The following EFR3A variants were observed in gnomAD, a reference collection of about 807,000 sequenced individuals.
The protein encoded by EFR3A is protein EFR3 homolog A.
A neutral mutation model predicts 104.4 loss-of-function variants in EFR3A; 76 were observed. The ratio of observed to expected loss-of-function variants is 0.73; its 90% confidence interval spans 0.60 to 0.88. The LOEUF (loss-of-function observed/expected upper bound fraction) is 0.88, where lower values mean the gene tolerates loss of function less well. EFR3A is among the 40% of genes least tolerant of loss of function. EFR3A has a pLI of 0.00. For synonymous variants in EFR3A, 330 were observed against 330.0 expected (o/e 1.00, Z 0.00); for missense variants, 985 against 1,012.5 (o/e 0.97, Z 0.37).
At chr8:131,951,665 C>T (rs908617103) in intron 5 of EFR3A, among the ~76,000 whole-genome samples, 13 of 152,086 alleles carry the variant, frequency 8.5e-5, no homozygotes, top group African/African-American at 3.1e-4. Context: ...ACCTGTTCTT[C>T]ATTACTGCTT....
intron 22 of EFR3A, among the ~76,000 whole-genome samples, chr8:132,004,174 A>G (rs1821921822): frequency 6.6e-6 from 1 of 152,152 alleles, no homozygotes; most frequent in Non-Finnish European, 1.5e-5. Context: ...TACTCTCTTA[A>G]GTTGAGAATC....
chr8:132,001,686 C>A, intron 19 of EFR3A, 73 bp from the exon 20 acceptor site: 1 of 1,330,738 alleles, frequency 7.5e-7, no homozygotes, highest in Non-Finnish European at 1.1e-6. Context: ...TCTTAGATGA[C>A]TTGTAACTAG....
chr8:131,986,717 G>A (rs571932801), intron 17 of EFR3A, among the ~76,000 whole-genome samples: 1 of 151,038 alleles, frequency 6.6e-6, no homozygotes, highest in Non-Finnish European at 1.5e-5. Context: ...CCCAGGAGGT[G>A]GAGGTTGCAG....
intron 18 of EFR3A, among the ~76,000 whole-genome samples, chr8:131,992,059 C>G (rs990931879): frequency 6.6e-6 from 1 of 152,134 alleles, no homozygotes; most frequent in Non-Finnish European, 1.5e-5. Flanking sequence ...CAACATGACT[C>G]TCTTTCTGCA....
At chr8:131,997,385 G>A (rs1279515481) in intron 19 of EFR3A, among the ~76,000 whole-genome samples, 1 of 151,984 alleles carries the variant, frequency 6.6e-6, no homozygotes, top group Non-Finnish European at 1.5e-5. Context: ...AATTCCTATT[G>A]ATTTATTTGT....
intron 5 of EFR3A, among the ~76,000 whole-genome samples, chr8:131,952,059 G>C (rs576499445): frequency 7.6e-4 from 116 of 152,012 alleles, no homozygotes; most frequent in African/African-American, 2.6e-3. Flanking sequence ...TGAAGAACTG[G>C]CTCCCACTTG....
intron 13 of EFR3A, 117 bp from the exon 14 acceptor site, chr8:131,979,229 A>T: frequency 1.0e-6 from 1 of 958,620 alleles, no homozygotes; most frequent in Non-Finnish European, 1.5e-6. Flanking sequence ...GCAATTCAGT[A>T]GTATCATTAC....
At chr8:131,962,291 C>T (rs2130659160) in intron 8 of EFR3A, among the ~76,000 whole-genome samples, 1 of 152,278 alleles carries the variant, frequency 6.6e-6, no homozygotes. Context: ...CAAGACCCAT[C>T]AGTGTGCTGT....
At position 131,978,857 on chromosome 8, in the gene EFR3A, G is replaced by A; in HGVS notation, c.1337G>A (p.Gly446Glu). Residue 446 changes from glycine (G) to glutamate (E), a missense_variant, in exon 13 of 23, where the codon GGA becomes GAA. Gly to Glu is a moderately conservative substitution (Grantham distance 98, BLOSUM62 -2). Coordinates refer to ENST00000254624, the MANE Select transcript of EFR3A (RefSeq NM_015137.6). ...LLRSLLMVTSGYKAKTIVTAL... is the reference protein window; with the variant it reads ...LLRSLLMVTSEYKAKTIVTAL... ...CTTCTCGATAATCAGGTGACCTCTG[G>A]ATATAAAGCGAAGACGATTGTTACT... 1 of 1,596,126 alleles carries A rather than the reference G, an allele frequency of 6.3e-7. No individual in the cohort carries two copies. Among genetic ancestry groups the A allele is most frequent in the Non-Finnish European group, 8.5e-7 (1 of 1,172,356 alleles).
chr8:132,010,449 T>TATATATATATATA (rs1326843233), intron 22 of EFR3A, among the ~76,000 whole-genome samples: 3 of 128,398 alleles, frequency 2.3e-5, no homozygotes, highest in South Asian at 2.4e-4. Flanking sequence ...TATATATATA[T>TATATATATATATA]AATGAAATAC....
chr8:131,985,739 A>G (rs1028456845), intron 16 of EFR3A, among the ~76,000 whole-genome samples: 15 of 152,210 alleles, frequency 9.9e-5, no homozygotes, highest in African/African-American at 3.6e-4. Flanking sequence ...CTAGAGAAGT[A>G]AATACTACAA....
chr8:131,926,255 C>T (rs1318055185), intron 1 of EFR3A, among the ~76,000 whole-genome samples: 1 of 152,090 alleles, frequency 6.6e-6, no homozygotes, highest in East Asian at 1.9e-4. Context: ...ATTATGGTGA[C>T]TTTAAAAAAC....
chr8:131,930,045 C>T lies in EFR3A; in HGVS notation c.11-10454C>T, dbSNP rs553623919. ...GGAAGGCACATTGATTCAAACTGCC[C>T]TATAACTCCATGGAGATCATGTAAA... is the stretch of plus-strand genomic sequence containing the variant. On this transcript the variant is annotated intron_variant, in intron 1 of 22. Transcript: ENST00000254624. 4.6e-5 allele frequency among the ~76,000 whole-genome samples: 7 copies of T among 152,258 alleles called. No homozygotes were observed. In the South Asian group the frequency reaches 1.5e-3, roughly 32 times the overall value.
intron 18 of EFR3A, among the ~76,000 whole-genome samples, chr8:131,992,571 TAGTA>T (rs1434438716): frequency 6.6e-6 from 1 of 152,082 alleles, no homozygotes; most frequent in African/African-American, 2.4e-5. Context: ...TAATAACTGG[TAGTA>T]AGTTTTTGTA....
intron 1 of EFR3A, among the ~76,000 whole-genome samples, chr8:131,905,904 C>T (rs1213001656): frequency 1.3e-5 from 2 of 152,194 alleles, no homozygotes; most frequent in Non-Finnish European, 2.9e-5. Context: ...TCTAGCTTCA[C>T]AGAGTGGATA....
At chr8:131,978,184 T>C (rs1269504787) in intron 12 of EFR3A, among the ~76,000 whole-genome samples, 2 of 152,172 alleles carry the variant, frequency 1.3e-5, no homozygotes, top group Non-Finnish European at 2.9e-5. Flanking sequence ...AGCCTTTATT[T>C]ATATTAAACA....
At chr8:131,969,478 G>A (rs992597422) in intron 9 of EFR3A, among the ~76,000 whole-genome samples, 3 of 150,338 alleles carry the variant, frequency 2.0e-5, no homozygotes, top group Non-Finnish European at 4.4e-5. Flanking sequence ...CAGTGTAAAT[G>A]CTATGTGATT....
At chr8:131,975,151 G>C (rs1187331255) in intron 10 of EFR3A, among the ~76,000 whole-genome samples, 1 of 152,122 alleles carries the variant, frequency 6.6e-6, no homozygotes, top group East Asian at 1.9e-4. Context: ...AAAATGACAA[G>C]TAAGTTATTT....
At chr8:131,983,237 C>A (rs1318663558) in intron 14 of EFR3A, among the ~76,000 whole-genome samples, 1 of 152,132 alleles carries the variant, frequency 6.6e-6, no homozygotes, top group East Asian at 1.9e-4. Flanking sequence ...ACCCTGCCTG[C>A]CTATTATAAC....
Sources: allele counts gnomAD v4.1 joint callset (sites outside exome capture counted in the v4.1 genomes callset), GRCh38; gene constraint gnomAD v4.1.1; transcripts MANE v1.5; gene names NCBI Gene and HGNC (gene_info 2026-07-23, HGNC 2026-07-21).